The following PTPRF variants were observed in gnomAD, a reference collection of about 807,000 sequenced individuals.
The protein encoded by PTPRF is protein tyrosine phosphatase receptor type F.
In PTPRF, 59 loss-of-function variants were observed where a neutral mutation model predicts 201.8. The ratio of observed to expected loss-of-function variants is 0.29; its 90% CI spans 0.24 to 0.36. The LOEUF (loss-of-function observed/expected upper bound fraction) is 0.36, where lower values mean the gene tolerates loss of function less well. Ranked by LOEUF, PTPRF falls within the 10% of genes least tolerant of loss-of-function variation. The pLI, the probability that PTPRF is intolerant of heterozygous loss-of-function variation, is 1.00. For missense variants in PTPRF, 2,132 were observed against 2,690.5 expected (o/e 0.79, Z 4.59); for synonymous variants, 1,088 against 1,089.7 (o/e 1.00, Z 0.03).
intron 22 of PTPRF, 31 bp from the exon 23 acceptor site, chr1:43,613,587 A>T: frequency 6.4e-7 from 1 of 1,560,758 alleles, no homozygotes; most frequent in Non-Finnish European, 8.8e-7. Flanking sequence ...CCTCACACTA[A>T]TGCTGCCTGT....
chr1:43,527,569 A>G (rs1643172347), upstream of PTPRF, among the ~76,000 whole-genome samples: 1 of 152,216 alleles, frequency 6.6e-6, no homozygotes, highest in African/African-American at 2.4e-5. Flanking sequence ...GGCAGACGCC[A>G]ATGGGTTAGG....
upstream of PTPRF, chr1:43,528,889 C>T (rs1302665804): frequency 6.6e-6 from 1 of 152,116 alleles, no homozygotes; most frequent in Non-Finnish European, 1.5e-5. Flanking sequence ...CAAGATGATC[C>T]AGAGAAAAGG....
chr1:43,592,267 T>C (rs1049424770), intron 10 of PTPRF, among the ~76,000 whole-genome samples, 190 bp from the exon 11 acceptor site: 3 of 152,154 alleles, frequency 2.0e-5, no homozygotes, highest in African/African-American at 7.2e-5. Flanking sequence ...GTGGTCCATG[T>C]GGTCTGTGAG....
intron 6 of PTPRF, chr1:43,575,775 T>C: frequency 1.4e-6 from 1 of 726,066 alleles, no homozygotes; most frequent in Non-Finnish European, 2.1e-6. Flanking sequence ...TCGGCCTAAC[T>C]CAGGCCTCAA....
intron 12 of PTPRF, 164 bp from the exon 13 acceptor site, chr1:43,598,556 G>A: frequency 1.5e-6 from 1 of 669,338 alleles, no homozygotes; most frequent in South Asian, 2.0e-5. Context: ...CGGGCAGAGG[G>A]AGCCTTCCGT....
intron 6 of PTPRF, chr1:43,575,982 TCC>T: frequency 7.4e-7 from 1 of 1,351,952 alleles, no homozygotes; most frequent in Non-Finnish European, 9.9e-7. Context: ...TGCCGTCACC[TCC>T]ACTCCATCCC....
chr1:43,618,975 A>G, intron 26 of PTPRF, 73 bp from the exon 27 acceptor site: 1 of 1,528,954 alleles, frequency 6.5e-7, no homozygotes. Context: ...TGGCCTCAGC[A>G]TCAGGTCATT....
At chr1:43,604,846 G>A (rs2154025346) in intron 16 of PTPRF, 57 bp from the exon 17 acceptor site, 1 of 1,465,424 alleles carries the variant, frequency 6.8e-7, no homozygotes, top group Middle Eastern at 1.7e-4. Context: ...CACCCTTCCA[G>A]CCCATTCACC....
intron 13 of PTPRF, 78 bp from the exon 14 acceptor site, chr1:43,601,993 T>G: frequency 6.5e-7 from 1 of 1,531,780 alleles, no homozygotes; most frequent in Non-Finnish European, 9.0e-7. Context: ...CTGGGCAAGG[T>G]CCCTTCCAGG....
chr1:43,528,205 T>G (rs1473053457), upstream of PTPRF, among the ~76,000 whole-genome samples: 1 of 152,204 alleles, frequency 6.6e-6, no homozygotes, highest in East Asian at 1.9e-4. Flanking sequence ...TTTTATTTTA[T>G]TTTTTAAAAC....
chr1:43,561,000 G>A (rs1645770422), intron 5 of PTPRF, among the ~76,000 whole-genome samples: 1 of 152,168 alleles, frequency 6.6e-6, no homozygotes, highest in Non-Finnish European at 1.5e-5. Context: ...GGGCTGTCCG[G>A]CACATGAAGT....
intron 23 of PTPRF, 65 bp from the exon 24 acceptor site, chr1:43,617,380 C>T: frequency 3.1e-6 from 5 of 1,603,578 alleles, no homozygotes; most frequent in Middle Eastern, 1.8e-4. Flanking sequence ...GCTGGGTCCC[C>T]TGCAGGAGAA....
chr1:43,560,732 G>A (rs919828738), intron 5 of PTPRF, among the ~76,000 whole-genome samples: 6 of 152,160 alleles, frequency 3.9e-5, no homozygotes, highest in African/African-American at 1.4e-4. Context: ...TGTTGTGGTC[G>A]ACCTCAGCAG....
chr1:43,598,141 A>G, intron 12 of PTPRF, 88 bp downstream of exon 12: 2 of 1,301,238 alleles, frequency 1.5e-6, no homozygotes, highest in Non-Finnish European at 2.0e-6. Flanking sequence ...TCCTGAACAC[A>G]GGCCCAGGTC....
intron 22 of PTPRF, among the ~76,000 whole-genome samples, chr1:43,612,172 G>A (rs959954245): frequency 6.6e-6 from 1 of 152,182 alleles, no homozygotes; most frequent in Non-Finnish European, 1.5e-5. Context: ...AGGTAGGGCA[G>A]TGGGGACACC....
At chr1:43,535,862 C>T (rs975587911) in intron 1 of PTPRF, among the ~76,000 whole-genome samples, 1 of 152,212 alleles carries the variant, frequency 6.6e-6, no homozygotes, top group Middle Eastern at 3.2e-3. Context: ...GCAGCCTCCA[C>T]CTCCTGGGCT....
At chr1:43,524,763 G>A (rs536665713), upstream of PTPRF, among the ~76,000 whole-genome samples, 1 of 152,254 alleles carries the variant, frequency 6.6e-6, no homozygotes, top group South Asian at 2.1e-4. Flanking sequence ...TGTGCTAGTG[G>A]AGAGCCAGGA....
At chr1:43,532,550 G>GA (rs1643685153) in intron 1 of PTPRF, 1 of 173,364 alleles carries the variant, frequency 5.8e-6, no homozygotes, top group Non-Finnish European at 1.3e-5. Context: ...TGGGGTGGTG[G>GA]TTCCAGGCGG....
chr1:43,599,039 T>C (rs1258750209), intron 13 of PTPRF, 126 bp downstream of exon 13: 124 of 1,057,848 alleles, frequency 1.2e-4, no homozygotes, highest in Non-Finnish European at 4.0e-6. Context: ...CTGCCTTTCC[T>C]TGGTTGTGAG....
Sources: gnomAD v4.1 joint callset for allele counts (sites outside exome capture counted in the v4.1 genomes callset) on GRCh38, gnomAD v4.1.1 for gene constraint, MANE v1.5 for transcripts, NCBI Gene and HGNC (gene_info 2026-07-23, HGNC 2026-07-21) for gene names.